Variants in NAE1 observed in about 807,000 individuals in gnomAD.
NAE1 encodes the protein NEDD8-activating enzyme E1 regulatory subunit.
A neutral mutation model predicts 88.0 loss-of-function variants in NAE1; 59 were observed. That is an observed-to-expected ratio of 0.67 (90% confidence interval 0.54 to 0.83). The LOEUF (loss-of-function observed/expected upper bound fraction) is 0.83, where lower values mean the gene tolerates loss of function less well. Ranked by LOEUF, NAE1 falls within the 40% of genes least tolerant of loss-of-function variation. NAE1 has a pLI of 0.00. For missense variants in NAE1, 554 were observed against 632.8 expected, an observed-to-expected ratio of 0.88 and a Z score of 1.34; for synonymous variants, 186 against 208.9, an observed-to-expected ratio of 0.89 and a Z score of 0.95.
At chr16:66,823,834 C>A (rs1960360084) in intron 4 of NAE1, among the ~76,000 whole-genome samples, 1 of 152,178 alleles carries the variant, frequency 6.6e-6, no homozygotes, top group Non-Finnish European at 1.5e-5. Context: ...TAGGCTTAAG[C>A]AATCTTCCTG....
At chr16:66,821,247 T>C (rs1960245569) in intron 7 of NAE1, among the ~76,000 whole-genome samples, 1 of 152,226 alleles carries the variant, frequency 6.6e-6, no homozygotes. Flanking sequence ...GTGCCTGTGG[T>C]ATATCATGCT....
intron 11 of NAE1, among the ~76,000 whole-genome samples, chr16:66,815,203 TC>T (rs1206515617): frequency 1.3e-5 from 2 of 152,214 alleles, no homozygotes; most frequent in Non-Finnish European, 2.9e-5. Flanking sequence ...ACTATTAGAA[TC>T]TTTTCTTTTC....
At chr16:66,820,713 A>AGT (rs1208864023) in intron 7 of NAE1, among the ~76,000 whole-genome samples, 5 of 152,186 alleles carry the variant, frequency 3.3e-5, no homozygotes, top group Admixed American at 6.5e-5. Flanking sequence ...CATCCTGGCT[A>AGT]ACATGGTGAA....
intron 8 of NAE1, 112 bp downstream of exon 8, chr16:66,818,416 A>G: frequency 2.7e-6 from 2 of 740,608 alleles, no homozygotes; most frequent in Non-Finnish European, 2.1e-6. Context: ...AATCGGGATG[A>G]CAGGAATATG....
chr16:66,809,287 C>T (rs1363543705), intron 15 of NAE1, among the ~76,000 whole-genome samples: 1 of 152,192 alleles, frequency 6.6e-6, no homozygotes, highest in Non-Finnish European at 1.5e-5. Flanking sequence ...AGTTCAGAAG[C>T]AAGTAAGGTG....
At chr16:66,824,906 GA>G (rs776942016) in intron 3 of NAE1, 21 bp from the exon 4 acceptor site, 27 of 1,590,508 alleles carry the variant, frequency 1.7e-5, no homozygotes, top group Admixed American at 3.6e-5. Context: ...CAGAATAAAG[GA>G]AAAAAAAGTA....
At chr16:66,809,149 A>T in intron 15 of NAE1, 74 bp from the exon 16 acceptor site, 1 of 1,160,678 alleles carries the variant, frequency 8.6e-7, no homozygotes, top group South Asian at 1.3e-5. Flanking sequence ...TGACTTTAAG[A>T]ACAGAGAATT....
intron 6 of NAE1, 145 bp downstream of exon 6, chr16:66,823,076 CAAAAAA>C (rs776599321): frequency 6.1e-5 from 9 of 146,672 alleles, no homozygotes; most frequent in Non-Finnish European, 1.1e-4. Context: ...AGCTCAAGCT[CAAAAAA>C]AAAAAAAAAA....
intron 13 of NAE1, 119 bp downstream of exon 13, chr16:66,813,440 CTAGTT>C: frequency 8.3e-7 from 1 of 1,206,836 alleles, no homozygotes. Flanking sequence ...TGCAGCTGGC[CTAGTT>C]TATTTATAAG....
rs1263462785 is a variant in NAE1 at position 66,813,561 on chromosome 16, T to C, written c.1034+3A>G. ...ATTACATAGTTTGAAAACAGTGACA[T>C]ACACGTTTTGCAGTTTTATATATTT... On this transcript the variant is annotated splice_donor_region_variant and intron_variant, in intron 13 of 19. Transcript: ENST00000290810. The C allele has an allele frequency of 1.2e-6, 2 of 1,608,194 alleles. No individual in the cohort carries two copies. Among genetic ancestry groups the C allele is most frequent in the Non-Finnish European group, 8.5e-7 (1 of 1,177,316 alleles).
chr16:66,808,280 A>C (rs774768319), intron 17 of NAE1, among the ~76,000 whole-genome samples: 1 of 152,178 alleles, frequency 6.6e-6, no homozygotes, highest in Non-Finnish European at 1.5e-5. Flanking sequence ...TGACAGAAAA[A>C]AGTTTTCTTC....
intron 11 of NAE1, among the ~76,000 whole-genome samples, chr16:66,815,921 C>T (rs1322335756): frequency 1.3e-5 from 2 of 152,084 alleles, no homozygotes; most frequent in Non-Finnish European, 1.5e-5. Context: ...CCTCGGCCTC[C>T]CAAAAGTGTT....
At chr16:66,804,005 A>G (rs1365642333) in intron 19 of NAE1, among the ~76,000 whole-genome samples, 2 of 152,174 alleles carry the variant, frequency 1.3e-5, no homozygotes, top group East Asian at 1.9e-4. Context: ...TTTTAGCAGC[A>G]AGAGAGAGAG....
chr16:66,805,652 G>T, intron 19 of NAE1, 125 bp downstream of exon 19: 12 of 728,248 alleles, frequency 1.6e-5, no homozygotes, highest in African/African-American at 3.7e-5. Context: ...AAAAAAAAAA[G>T]AAAGAAATAT....
chr16:66,818,149 T>A (rs1444939046), intron 8 of NAE1, among the ~76,000 whole-genome samples: 1 of 152,212 alleles, frequency 6.6e-6, no homozygotes, highest in Admixed American at 6.5e-5. Flanking sequence ...TTAAAATGTA[T>A]AACTGAGTTG....
chr16:66,821,626 C>CA (rs1960265444), intron 6 of NAE1, 67 bp from the exon 7 acceptor site: 1 of 1,322,868 alleles, frequency 7.6e-7, no homozygotes, highest in Non-Finnish European at 1.0e-6. Flanking sequence ...TGAAAACATG[C>CA]AAAACATGAA....
At chr16:66,805,061 G>A (rs1462904420) in intron 19 of NAE1, among the ~76,000 whole-genome samples, 3 of 152,176 alleles carry the variant, frequency 2.0e-5, no homozygotes, top group African/African-American at 7.2e-5. Context: ...TCATTTTTGA[G>A]TTGGGTCTTG....
At chr16:66,819,548 T>A (rs1286326149) in intron 7 of NAE1, among the ~76,000 whole-genome samples, 1 of 152,256 alleles carries the variant, frequency 6.6e-6, no homozygotes, top group Non-Finnish European at 1.5e-5. Flanking sequence ...ACAGATTGTA[T>A]ATCTCTCTTA....
At chr16:66,805,876 T>G in intron 18 of NAE1, 36 bp downstream of exon 18, 1 of 1,596,038 alleles carries the variant, frequency 6.3e-7, no homozygotes, top group Non-Finnish European at 8.5e-7. Context: ...ATGACAGGTG[T>G]GGAATCATCT....
Sources: allele counts gnomAD v4.1 joint callset (sites outside exome capture counted in the v4.1 genomes callset), GRCh38; gene constraint gnomAD v4.1.1; transcripts MANE v1.5; gene names NCBI Gene and HGNC (gene_info 2026-07-23, HGNC 2026-07-21).